FKBP6: variants seen among roughly 807,000 people sequenced by gnomAD.
The protein encoded by FKBP6 is FKBP prolyl isomerase family member 6 (inactive).
A neutral mutation model predicts 41.7 loss-of-function variants in FKBP6; 29 were observed. That is an observed-to-expected ratio of 0.70 (90% CI 0.52 to 0.95). The LOEUF (loss-of-function observed/expected upper bound fraction) is 0.95, where lower values mean the gene tolerates loss of function less well. Among genes scored for constraint, FKBP6 ranks in the 40% least tolerant of loss-of-function variants. The pLI is 0.00. For missense variants in FKBP6, 338 were observed against 408.7 expected, an observed-to-expected ratio of 0.83 and a Z score of 1.49; for synonymous variants, 130 against 165.1, an observed-to-expected ratio of 0.79 and a Z score of 1.63.
At chr7:73,350,821 G>A (rs1391106636) in intron 8 of FKBP6, among the ~76,000 whole-genome samples, 3 of 152,100 alleles carry the variant, frequency 2.0e-5, no homozygotes, top group African/African-American at 7.2e-5. Flanking sequence ...GGAGGCCTCT[G>A]GGGCCAGGGG....
At chr7:73,329,214 A>G (rs1223497692) in intron 2 of FKBP6, 146 bp from the exon 3 acceptor site, 3 of 752,970 alleles carry the variant, frequency 4.0e-6, no homozygotes, top group Non-Finnish European at 7.4e-6. Flanking sequence ...CAAAATGCAG[A>G]GAGAAGATTT....
chr7:73,342,742 A>G, intron 7 of FKBP6, 65 bp from the exon 8 acceptor site: 1 of 1,109,988 alleles, frequency 9.0e-7, no homozygotes, highest in South Asian at 1.2e-5. Flanking sequence ...GGAGAATTCC[A>G]GCCACCAGAT....
intron 8 of FKBP6, among the ~76,000 whole-genome samples, chr7:73,355,027 T>C (rs1554551716): frequency 1.3e-5 from 2 of 152,246 alleles, no homozygotes; most frequent in Non-Finnish European, 2.9e-5. Flanking sequence ...ATCACTCCTC[T>C]GTCTTCTCTG....
intron 5 of FKBP6, among the ~76,000 whole-genome samples, chr7:73,336,578 T>G (rs1387644464): frequency 6.6e-6 from 1 of 152,126 alleles, no homozygotes; most frequent in Non-Finnish European, 1.5e-5. Context: ...CTCGTTAATG[T>G]CACTTTGGTA....
At chr7:73,343,564 A>T (rs2115914334) in intron 8 of FKBP6, among the ~76,000 whole-genome samples, 1 of 152,240 alleles carries the variant, frequency 6.6e-6, no homozygotes. Context: ...TGGCTCTTAA[A>T]TTCTACTTTC....
At chr7:73,347,855 G>C (rs980274772) in intron 8 of FKBP6, among the ~76,000 whole-genome samples, 1 of 152,140 alleles carries the variant, frequency 6.6e-6, no homozygotes, top group African/African-American at 2.4e-5. Flanking sequence ...ATGTTGCCCA[G>C]GCTGGTCTGG....
At chr7:73,347,619 C>A (rs1554550453) in intron 8 of FKBP6, among the ~76,000 whole-genome samples, 1 of 152,172 alleles carries the variant, frequency 6.6e-6, no homozygotes, top group African/African-American at 2.4e-5. Context: ...TTCTTGGCTT[C>A]ATACAGCTAA....
In FKBP6 at chr7:73,330,333, A is replaced by C. The variant is rs1554547465; in HGVS notation, c.449A>C (p.Lys150Thr). The C allele has an allele frequency of 6.2e-7, 1 of 1,613,768 alleles. No homozygotes were observed. Among genetic ancestry groups the C allele is most frequent in the South Asian group, 1.1e-5 (1 of 91,076 alleles). The change falls in exon 4 of 9, where the codon AAG becomes ACG. Residue 150 changes from lysine to threonine, a missense_variant. By Grantham distance (78) the Lys-to-Thr change is moderately conservative. Coordinates refer to ENST00000252037, the MANE Select transcript of FKBP6 (RefSeq NM_003602.5). The stretch of plus-strand genomic sequence containing the variant: ...TTCCTGGACTGTGCTGAGTCAGACA[A>C]GTTTTGTGCTCTCTCAGCTGTAAGT... ...LDFLDCAESD[K>T]FCALSAEQQD...
chr7:73,337,309 CTT>C (rs5884903), intron 5 of FKBP6, among the ~76,000 whole-genome samples: 4 of 112,456 alleles, frequency 3.6e-5, no homozygotes, highest in Non-Finnish European at 3.7e-5. Context: ...CTTCCATGTT[CTT>C]TTTTTTTTTT....
chr7:73,355,902 T>TA (rs1805617632), intron 8 of FKBP6, among the ~76,000 whole-genome samples: 1 of 151,696 alleles, frequency 6.6e-6, no homozygotes, highest in Non-Finnish European at 1.5e-5. Context: ...CCGTCTCTAC[T>TA]AAAAATACAA....
At position 73,333,764 on chromosome 7, in the gene FKBP6, C is replaced by T. The variant is rs539416868; in HGVS notation, c.588+1988C>T. ...TCTTGGTTTTTAAATACATATTTGTCTAGAGTTGTTATTAAAAAGTCTTTT... is the reference window on the plus strand; with the variant it reads ...TCTTGGTTTTTAAATACATATTTGTTTAGAGTTGTTATTAAAAAGTCTTTT... On this transcript the variant is annotated intron_variant, in intron 5 of 8. Transcript: ENST00000252037. 5.3e-5 allele frequency among the ~76,000 whole-genome samples: 8 copies of T among 152,272 alleles called. No homozygotes were observed. In the South Asian group the frequency reaches 1.7e-3, roughly 32 times the overall value.
At chr7:73,336,693 A>G (rs2115866397) in intron 5 of FKBP6, 1 of 454,562 alleles carries the variant, frequency 2.2e-6, no homozygotes, top group South Asian at 1.6e-5. Flanking sequence ...ATGTACCAGC[A>G]CACCACTGTG....
intron 5 of FKBP6, chr7:73,337,024 G>C (rs1583805747): frequency 1.2e-5 from 4 of 339,620 alleles, no homozygotes; most frequent in South Asian, 6.8e-5. Context: ...TTTCAATTTT[G>C]ATTACTCATG....
Position 73,340,715 on chromosome 7 carries a change from C to G in FKBP6, c.666C>G (p.Leu222=). 6.2e-7 allele frequency: 1 copy of G among 1,613,994 alleles called. No individual in the cohort carries two copies. Among genetic ancestry groups the G allele is most frequent in the Non-Finnish European group, 8.5e-7 (1 of 1,179,998 alleles). The part of the protein sequence containing the change: ...HLVEAAKLPV[L]LNLSFTYLKL... The stretch of plus-strand genomic sequence containing the variant: ...TGGAGGCCGCCAAGCTTCCTGTTCT[C>G]CTGAACCTGTCCTTTACATACCTGA... Residue 222 remains leucine, a synonymous_variant, in exon 6 of 9, where the codon CTC becomes CTG. Coordinates refer to ENST00000252037, the MANE Select transcript of FKBP6 (RefSeq NM_003602.5).
Position 73,329,399 on chromosome 7 carries a change from T to C in FKBP6, c.215T>C (p.Phe72Ser). ...TACCTGGAACACATGGACAGACCCT[T>C]CGATTCTAATTACTTTAGGAAAACT... ...SGYLEHMDRP[F>S]DSNYFRKTPR... is the part of the protein sequence containing the mutation. The change falls in exon 3 of 9, where the codon TTC (phenylalanine) becomes TCC (serine). Residue 72 changes from phenylalanine (F) to serine (S), a missense_variant. This residue lies in a region of FKBP6 where 99 missense variants were observed against 158.6 expected (regional missense o/e 0.62). Coordinates refer to ENST00000252037, the MANE Select transcript of FKBP6 (RefSeq NM_003602.5). 1 of 1,610,152 alleles carries C rather than the reference T, an allele frequency of 6.2e-7. No homozygotes were observed. Among genetic ancestry groups the C allele is most frequent in the Non-Finnish European group, 8.5e-7 (1 of 1,176,380 alleles).
chr7:73,340,770 T>G lies in FKBP6; in HGVS notation c.721T>G (p.Tyr241Asp), dbSNP rs1554549360. 6.2e-7 allele frequency: 1 copy of G among 1,614,036 alleles called. No homozygotes were observed. The highest frequency in any genetic ancestry group is 2.2e-5 in the East Asian group (1 of 44,872). Residue 241 changes from tyrosine (Y) to aspartate (D), a missense_variant, in exon 6 of 9, where the codon TAT becomes GAT. Tyr to Asp is a radical substitution (Grantham distance 160, BLOSUM62 -3). This residue lies in a region of FKBP6 where 239 missense variants were observed against 250.1 expected (regional missense o/e 0.96). Transcript: ENST00000252037. ...AGACCGACCCACCATAGCCCTGTGCTATGGAGAGCAGGCTTTGATCATTGA... is the reference window on the plus strand; with the variant it reads ...AGACCGACCCACCATAGCCCTGTGCGATGGAGAGCAGGCTTTGATCATTGA... ...KLDRPTIALC[Y>D]GEQALIIDQK...
In FKBP6 at chr7:73,328,644, A is replaced by G. The variant is rs1554546833; in HGVS notation, c.127A>G (p.Ile43Val). The G allele has an allele frequency of 6.2e-7, 1 of 1,611,684 alleles. No individual in the cohort carries two copies. The highest frequency in any genetic ancestry group is 8.5e-7 in the Non-Finnish European group (1 of 1,179,708). Residue 43 changes from isoleucine (I) to valine (V), a missense_variant, in exon 2 of 9, where the codon ATC (isoleucine) becomes GTC (valine). Coordinates refer to ENST00000252037, the MANE Select transcript of FKBP6 (RefSeq NM_003602.5). ...SGDRGVLKDV[I>V]REGAGDLVAP... ...GGACCGGGGCGTGCTGAAGGACGTC[A>G]TCCGAGAAGGAGCTGGAGACCTAGT...
rs782445396 is a variant in FKBP6, at chr7:73,342,830, A to C, written c.917A>C (p.Lys306Thr). The change falls in exon 8 of 9, where the codon AAA becomes ACA. Residue 306 changes from lysine to threonine, a missense_variant. Lys to Thr is a moderately conservative substitution (Grantham distance 78). Coordinates refer to ENST00000252037, the MANE Select transcript of FKBP6 (RefSeq NM_003602.5). ...AGCTGTTACAGGGACTATGTGGATA[A>C]AGAGAAAGAAATGTGGCACCGCATG... The part of the protein sequence containing the change: ...LASCYRDYVD[K>T]EKEMWHRMFA... 2 of 1,613,616 alleles carry C rather than the reference A, an allele frequency of 1.2e-6. No homozygotes were observed. Among genetic ancestry groups the C allele is most frequent in the African/African-American group, 2.7e-5 (2 of 74,942 alleles).
intron 5 of FKBP6, among the ~76,000 whole-genome samples, chr7:73,338,542 A>C (rs1278955880): frequency 6.6e-6 from 1 of 152,226 alleles, no homozygotes; most frequent in Non-Finnish European, 1.5e-5. Flanking sequence ...AAAATTTTTG[A>C]GGAACTGCCA....
Sources: allele counts gnomAD v4.1 joint callset (sites outside exome capture counted in the v4.1 genomes callset), GRCh38; gene constraint gnomAD v4.1.1; regional missense constraint gnomAD v4.1.1; transcripts MANE v1.5; gene names NCBI Gene and HGNC (gene_info 2026-07-23, HGNC 2026-07-21).